KDM4C: variants seen among roughly 807,000 people sequenced by gnomAD.
KDM4C encodes lysine demethylase 4C.
Under a neutral mutation model 129.3 loss-of-function variants are expected in KDM4C, and 81 were observed. That is an observed-to-expected ratio of 0.63 (90% CI 0.52 to 0.75). The LOEUF (loss-of-function observed/expected upper bound fraction) is 0.75. Ranked by LOEUF, KDM4C falls within the 30% of genes least tolerant of loss-of-function variation. KDM4C has a pLI of 0.00. For synonymous variants in KDM4C, 573 were observed against 456.1 expected, an observed-to-expected ratio of 1.26 and a Z score of -3.26; for missense variants, 1,457 against 1,304.0, an observed-to-expected ratio of 1.12 and a Z score of -1.81.
chr9:6,955,168 C>G (rs957483691), intron 8 of KDM4C, among the ~76,000 whole-genome samples: 6 of 152,288 alleles, frequency 3.9e-5, no homozygotes, highest in Middle Eastern at 6.8e-3. Flanking sequence ...GATCTGAATG[C>G]CTCTCTATAT....
chr9:6,978,617 C>T (rs1429087539), intron 8 of KDM4C: 5 of 151,230 alleles, frequency 3.3e-5, no homozygotes, highest in African/African-American at 1.2e-4. Context: ...TGTCTCTGTT[C>T]CTTTCAGTTC....
At chr9:6,927,094 TCTATCTATCTA>T (rs1563826609) in intron 8 of KDM4C, among the ~76,000 whole-genome samples, 73 of 78,760 alleles carry the variant, frequency 9.3e-4, no homozygotes, top group Non-Finnish European at 5.0e-4. Context: ...AAATTTTCTA[TCTATCTATCTA>T]TCTATCTATC....
At chr9:6,986,097 C>G (rs1365505590) in intron 10 of KDM4C, among the ~76,000 whole-genome samples, 3 of 152,206 alleles carry the variant, frequency 2.0e-5, no homozygotes, top group African/African-American at 7.2e-5. Flanking sequence ...CTACATGGTT[C>G]TTTGCACATT....
chr9:6,744,278 C>T (rs1453130929), intron 1 of KDM4C, among the ~76,000 whole-genome samples: 2 of 152,158 alleles, frequency 1.3e-5, no homozygotes, highest in African/African-American at 4.8e-5. Context: ...GTAATCCCAG[C>T]ACTTTGGGAG....
At chr9:6,822,628 C>T (rs746621441) in intron 4 of KDM4C, among the ~76,000 whole-genome samples, 15 of 152,036 alleles carry the variant, frequency 9.9e-5, no homozygotes, top group Admixed American at 3.3e-4. Context: ...GCTGGTCTGC[C>T]GATGAAGTTT....
chr9:7,161,995 A>G (rs1282669679), intron 19 of KDM4C, among the ~76,000 whole-genome samples: 3 of 152,226 alleles, frequency 2.0e-5, no homozygotes, highest in Admixed American at 2.0e-4. Flanking sequence ...TTTTACTCCG[A>G]GCTACCTTAA....
intron 14 of KDM4C, 22 bp downstream of exon 14, chr9:7,014,023 C>T (rs373578878): frequency 2.3e-4 from 370 of 1,578,630 alleles, no homozygotes; most frequent in Non-Finnish European, 3.1e-4. Flanking sequence ...TATAATTCAT[C>T]AATCACTGGC....
At chr9:6,839,910 T>C (rs974136724) in intron 4 of KDM4C, among the ~76,000 whole-genome samples, 2 of 145,752 alleles carry the variant, frequency 1.4e-5, no homozygotes, top group Admixed American at 7.2e-5. Context: ...CTCAAAAAAA[T>C]AAAAAGCTTC....
At chr9:6,918,315 C>T (rs916670379) in intron 8 of KDM4C, among the ~76,000 whole-genome samples, 1 of 152,170 alleles carries the variant, frequency 6.6e-6, no homozygotes, top group Non-Finnish European at 1.5e-5. Context: ...GGATAACGGC[C>T]TCCACCTGCA....
chr9:6,781,750 A>C (rs1380567084), intron 1 of KDM4C, among the ~76,000 whole-genome samples: 1 of 151,994 alleles, frequency 6.6e-6, no homozygotes, highest in Non-Finnish European at 1.5e-5. Context: ...CAAATTTTTC[A>C]TTGCGCTATG....
chr9:7,007,231 G>A (rs1821838263), intron 12 of KDM4C, among the ~76,000 whole-genome samples: 1 of 152,198 alleles, frequency 6.6e-6, no homozygotes, highest in Non-Finnish European at 1.5e-5. Context: ...ACATAGATTT[G>A]AGGAACTGCT....
At chr9:6,799,239 C>T (rs978040790) in intron 2 of KDM4C, among the ~76,000 whole-genome samples, 6 of 151,992 alleles carry the variant, frequency 3.9e-5, no homozygotes, top group East Asian at 1.9e-4. Context: ...GTTGTAGCGA[C>T]GCGAGATCAC....
intron 1 of KDM4C, among the ~76,000 whole-genome samples, chr9:6,770,999 C>G (rs1821703309): frequency 6.7e-6 from 1 of 150,098 alleles, no homozygotes; most frequent in African/African-American, 2.4e-5. Flanking sequence ...TGGTCTCAAA[C>G]TCCTGACCTC....
At chr9:6,805,060 C>G (rs886640834) in intron 2 of KDM4C, among the ~76,000 whole-genome samples, 1 of 151,888 alleles carries the variant, frequency 6.6e-6, no homozygotes, top group African/African-American at 2.4e-5. Flanking sequence ...GCCACCACGC[C>G]CGGCTAATTT....
chr9:7,020,100 C>A (rs908702567), intron 15 of KDM4C, among the ~76,000 whole-genome samples: 4 of 152,066 alleles, frequency 2.6e-5, no homozygotes, highest in African/African-American at 7.2e-5. Context: ...TCATTGTGTT[C>A]CCATTTTCTT....
intron 8 of KDM4C, among the ~76,000 whole-genome samples, chr9:6,905,228 G>GGGAT (rs1191903852): frequency 1.3e-5 from 2 of 152,158 alleles, no homozygotes. Context: ...TATGCCAACA[G>GGGAT]GGATACACAT....
At chr9:6,880,413 C>T (rs928744033) in intron 6 of KDM4C, among the ~76,000 whole-genome samples, 1 of 152,088 alleles carries the variant, frequency 6.6e-6, no homozygotes, top group African/African-American at 2.4e-5. Context: ...AATTAAGTTA[C>T]ATTCTTCCAG....
chr9:6,973,302 C>T lies in KDM4C; in HGVS notation c.922-7623C>T, dbSNP rs140377550. Among the ~76,000 whole-genome samples the T allele has an allele frequency of 6.4e-3, 973 of 152,234 alleles. 10 individuals carry two copies. The highest frequency in any genetic ancestry group is 0.01 in the Non-Finnish European group (706 of 68,018). On this transcript the variant is annotated intron_variant, in intron 8 of 21. Transcript: ENST00000381309. ...AAGCAATCTTCCTGTGTCAGCCTTC[C>T]AAAGTGCTAGGATTACAGGCGTGAG...
intron 19 of KDM4C, among the ~76,000 whole-genome samples, chr9:7,150,942 C>T (rs374881929): frequency 5.9e-5 from 9 of 152,134 alleles, no homozygotes; most frequent in Non-Finnish European, 8.8e-5. Flanking sequence ...AAACAACCTC[C>T]GTCTCTGGGA....
Sources: allele counts gnomAD v4.1 joint callset (sites outside exome capture counted in the v4.1 genomes callset), GRCh38; gene constraint gnomAD v4.1.1; transcripts MANE v1.5; gene names NCBI Gene and HGNC (gene_info 2026-07-23, HGNC 2026-07-21).